The following SPAG17 variants were observed in gnomAD, a reference collection of about 807,000 sequenced individuals.
SPAG17 encodes sperm-associated antigen 17.
A neutral mutation model predicts 273.6 loss-of-function variants in SPAG17; 169 were observed. The ratio of observed to expected loss-of-function variants is 0.62; its 90% CI spans 0.55 to 0.70. The LOEUF is 0.70. Ranked by LOEUF, SPAG17 falls within the 30% of genes least tolerant of loss-of-function variation. The pLI is 0.00. For missense variants in SPAG17, 2,557 were observed against 2,627.8 expected (o/e 0.97, Z 0.59); for synonymous variants, 825 against 873.2 (o/e 0.94, Z 0.97).
intron 3 of SPAG17, among the ~76,000 whole-genome samples, chr1:118,131,700 T>C (rs1196760294): frequency 6.6e-6 from 1 of 152,160 alleles, no homozygotes; most frequent in Non-Finnish European, 1.5e-5. Flanking sequence ...GCTTTTCCTA[T>C]TGTGAGTCCC....
chr1:118,153,780 C>G (rs1412875103), intron 1 of SPAG17, among the ~76,000 whole-genome samples: 1 of 151,742 alleles, frequency 6.6e-6, no homozygotes, highest in Non-Finnish European at 1.5e-5. Flanking sequence ...ACCCAGGAGG[C>G]AGTGCAGTGA....
At chr1:118,132,044 T>C (rs964679270) in intron 3 of SPAG17, among the ~76,000 whole-genome samples, 1 of 152,210 alleles carries the variant, frequency 6.6e-6, no homozygotes, top group Non-Finnish European at 1.5e-5. Flanking sequence ...GGGGAGATCA[T>C]CTACAAGGCA....
At chr1:118,122,453 C>CTGAGG (rs1657477983) in intron 3 of SPAG17, among the ~76,000 whole-genome samples, 1 of 152,150 alleles carries the variant, frequency 6.6e-6, no homozygotes, top group Non-Finnish European at 1.5e-5. Flanking sequence ...CACTGCAGAG[C>CTGAGG]CTCAGGCAAG....
intron 25 of SPAG17, among the ~76,000 whole-genome samples, chr1:118,030,402 C>T (rs1648304233): frequency 6.6e-6 from 1 of 151,192 alleles, no homozygotes; most frequent in East Asian, 1.9e-4. Flanking sequence ...CTTTTAGAAC[C>T]TTCTTTTTTT....
chr1:117,972,249 A>T (rs1654644205), intron 44 of SPAG17, among the ~76,000 whole-genome samples: 1 of 152,206 alleles, frequency 6.6e-6, no homozygotes, highest in South Asian at 2.1e-4. Context: ...AAGTTCAGAG[A>T]ACTGAAAGAT....
intron 24 of SPAG17, among the ~76,000 whole-genome samples, chr1:118,035,874 C>G (rs1649018693): frequency 6.6e-6 from 1 of 152,102 alleles, no homozygotes; most frequent in South Asian, 2.1e-4. Flanking sequence ...GAAACAGCTT[C>G]CAGTTGGATA....
intron 46 of SPAG17, among the ~76,000 whole-genome samples, chr1:117,967,546 C>G (rs1351681865): frequency 6.6e-6 from 1 of 152,186 alleles, no homozygotes; most frequent in African/African-American, 2.4e-5. Flanking sequence ...GCATTCAAAG[C>G]CGTCCTGGGC....
chr1:118,007,821 C>T (rs942902), intron 31 of SPAG17, among the ~76,000 whole-genome samples: 55,817 of 152,006 alleles, frequency 0.37, 11,442 homozygotes, highest in Non-Finnish European at 0.46. Flanking sequence ...CCAAAACTAC[C>T]GAAGTTTTGC....
In SPAG17 at chr1:118,039,351, T is replaced by C. The variant is rs1649460222; in HGVS notation, c.3260A>G (p.Lys1087Arg). 6.2e-7 allele frequency: 1 copy of C among 1,613,566 alleles called. No homozygotes were observed. The highest frequency in any genetic ancestry group is 8.5e-7 in the Non-Finnish European group (1 of 1,179,658). The change falls in exon 23 of 49, where the codon AAA becomes AGA. Residue 1087 changes from lysine to arginine, a missense_variant. Transcript: ENST00000336338. ...TTCCTCTTCTAAATAATAATCCCCT[T>C]TCTCTTCCTTTTTCACAATTTCCTT... is the stretch of plus-strand genomic sequence containing the variant. ...DPKEIVKKEE[K>R]GDYYLEEEEE...
chr1:118,066,771 A>C lies in SPAG17; in HGVS notation c.2514T>G (p.Ile838Met). The C allele has an allele frequency of 6.2e-7, 1 of 1,612,154 alleles. No individual in the cohort carries two copies. The highest frequency in any genetic ancestry group is 8.5e-7 in the Non-Finnish European group (1 of 1,179,432). ...RQRLHCEYWN[I>M]ALHSNVGFRN... ...TGAATCCAACATTGGAGTGGAGAGC[A>C]ATGTTCCAATATTCACAATGCAAAC... The change falls in exon 18 of 49, where the codon ATT (isoleucine) becomes ATG (methionine). Residue 838 changes from isoleucine (I) to methionine (M), a missense_variant. Ile to Met is a conservative substitution (Grantham distance 10). Coordinates refer to ENST00000336338, the MANE Select transcript of SPAG17 (RefSeq NM_206996.4).
Position 118,151,344 on chromosome 1 carries a change from A to G in SPAG17, c.113T>C (p.Phe38Ser). ...NQNDWQASIAFVVGNQIEDDL... is the reference protein window; with the variant it reads ...NQNDWQASIASVVGNQIEDDL... ...ATCTTCAATCTGGTTCCCAACCACA[A>G]AAGCAATGGAGGCCTGCCAATCGTT... Residue 38 changes from phenylalanine (F) to serine (S), a missense_variant, in exon 2 of 49, where the codon TTT (phenylalanine) becomes TCT (serine). By Grantham distance (155) the Phe-to-Ser change is radical (BLOSUM62 -2). Transcript: ENST00000336338. The G allele has an allele frequency of 6.2e-7, 1 of 1,612,868 alleles. No individual in the cohort carries two copies. The highest frequency in any genetic ancestry group is 8.5e-7 in the Non-Finnish European group (1 of 1,179,212).
Position 118,038,484 on chromosome 1 carries a change from C to A in SPAG17, c.3319+808G>T, listed in dbSNP as rs147985218. Among the ~76,000 whole-genome samples the A allele has an allele frequency of 1.2e-3, 176 of 152,230 alleles. 2 individuals carry two copies. Among genetic ancestry groups the A allele is most frequent in the African/African-American group, 4.0e-3 (167 of 41,544 alleles). ...AACCTGTACACGAATATTTGTAGCACCTTTATTCACAATTGCCAAAAGCTG... is the reference window on the plus strand; with the variant it reads ...AACCTGTACACGAATATTTGTAGCAACTTTATTCACAATTGCCAAAAGCTG... On this transcript the variant is annotated intron_variant, in intron 23 of 48. Coordinates refer to ENST00000336338, the MANE Select transcript of SPAG17 (RefSeq NM_206996.4).
intron 23 of SPAG17, 60 bp downstream of exon 23, chr1:118,039,232 T>A: frequency 6.6e-7 from 1 of 1,522,836 alleles, no homozygotes; most frequent in Non-Finnish European, 8.9e-7. Context: ...TTTAATGGAG[T>A]GGAGTGGACA....
intron 1 of SPAG17, among the ~76,000 whole-genome samples, chr1:118,168,382 G>A (rs1307776680): frequency 6.6e-6 from 1 of 152,124 alleles, no homozygotes; most frequent in Non-Finnish European, 1.5e-5. Context: ...AGAGAGGTAT[G>A]ACTAACACTC....
intron 20 of SPAG17, 62 bp downstream of exon 20, chr1:118,053,940 C>T: frequency 8.0e-7 from 1 of 1,254,522 alleles, no homozygotes; most frequent in Non-Finnish European, 1.1e-6. Context: ...AAGTCAACCA[C>T]TATCCTGTTG....
intron 48 of SPAG17, chr1:117,959,175 T>A (rs1410017112): frequency 7.2e-7 from 1 of 1,392,630 alleles, no homozygotes; most frequent in African/African-American, 1.5e-5. Context: ...GAAAAGTTCT[T>A]AATGAGGGAA....
At chr1:118,009,916 TA>T (rs571042231) in intron 30 of SPAG17, among the ~76,000 whole-genome samples, 85 of 150,882 alleles carry the variant, frequency 5.6e-4, no homozygotes, top group African/African-American at 1.7e-3. Flanking sequence ...TATTCAGTGT[TA>T]AAAAAAAAGA....
At chr1:118,165,644 T>A (rs1468345592) in intron 1 of SPAG17, among the ~76,000 whole-genome samples, 1 of 103,198 alleles carries the variant, frequency 9.7e-6, no homozygotes, top group African/African-American at 3.9e-5. Flanking sequence ...AAAAAAACTT[T>A]CTTTTTTTTT....
intron 24 of SPAG17, 139 bp from the exon 25 acceptor site, chr1:118,032,006 G>A (rs1648531597): frequency 1.5e-6 from 1 of 673,590 alleles, no homozygotes; most frequent in Non-Finnish European, 2.4e-6. Context: ...CAGTTGGATA[G>A]ATTTCAGGAG....
Sources: allele counts gnomAD v4.1 joint callset (sites outside exome capture counted in the v4.1 genomes callset), GRCh38; gene constraint gnomAD v4.1.1; transcripts MANE v1.5; gene names NCBI Gene and HGNC (gene_info 2026-07-23, HGNC 2026-07-21).